PBX4: variants seen among roughly 807,000 people sequenced by gnomAD.
PBX4 encodes PBX homeobox 4.
PBX4 carries 26 observed loss-of-function variants against 35.1 expected under a neutral mutation model. That is an observed-to-expected ratio of 0.74 (90% CI 0.54 to 1.03). PBX4 has a LOEUF of 1.03. Ranked by LOEUF, PBX4 falls within the 50% of genes least tolerant of loss-of-function variation. The pLI, the probability that PBX4 is intolerant of heterozygous loss-of-function variation, is 0.00. For missense variants in PBX4, 448 were observed against 504.3 expected (o/e 0.89, Z 1.07); for synonymous variants, 199 against 204.2 (o/e 0.97, Z 0.22).
rs62137777 is a variant in PBX4, at chr19:19,565,064, C to A, written c.794G>T (p.Arg265Ile). ...CCCCATGTTCTTTTTATACCGGATTCTTTTGTTGCCAAACCAGTTAGAGAC... is the reference window on the plus strand; with the variant it reads ...CCCCATGTTCTTTTTATACCGGATTATTTTGTTGCCAAACCAGTTAGAGAC... ...SQVSNWFGNK[R>I]IRYKKNMGKF... Residue 265 changes from arginine to isoleucine, a missense_variant, in exon 6 of 8, where the codon AGA becomes ATA. By Grantham distance (97) the Arg-to-Ile change is moderately conservative. Transcript: ENST00000251203. 6.2e-7 allele frequency: 1 copy of A among 1,614,106 alleles called. No homozygotes were observed. The highest frequency in any genetic ancestry group is 1.3e-5 in the African/African-American group (1 of 74,940).
chr19:19,565,577 A>T (rs549937954), intron 5 of PBX4, among the ~76,000 whole-genome samples: 26 of 152,348 alleles, frequency 1.7e-4, no homozygotes, highest in African/African-American at 6.0e-4. Flanking sequence ...AGGTGCTAGG[A>T]TAAGCACTTC....
Position 19,563,480 on chromosome 19 carries a change from G to A in PBX4, c.1032+29C>T. The A allele has an allele frequency of 3.3e-6, 5 of 1,493,640 alleles. No homozygotes were observed. Among genetic ancestry groups the A allele is most frequent in the Non-Finnish European group, 4.5e-6 (5 of 1,104,786 alleles). The allele number at this position is 1,493,640 out of a possible 1,614,324, so 92.5% of individuals were successfully genotyped here. On this transcript the variant is annotated intron_variant, in intron 7 of 7. Transcript: ENST00000251203. The surrounding 1 kb of genome is among the most constrained non-coding windows in gnomAD (Gnocchi z 5.1). ...TTTCTGAGAACCTACCACCCACCTG[G>A]GCGCTGTGGGACAGTGCCTGAGACT...
intron 1 of PBX4, among the ~76,000 whole-genome samples, chr19:19,600,816 CAAAAAAA>C (rs35643130): frequency 1.1e-5 from 1 of 88,744 alleles, no homozygotes; most frequent in Non-Finnish European, 2.3e-5. Context: ...GACTCCATCT[CAAAAAAA>C]AAAAAAAAAA....
intron 1 of PBX4, among the ~76,000 whole-genome samples, chr19:19,604,016 C>T (rs2061613922): frequency 6.6e-6 from 1 of 150,704 alleles, no homozygotes; most frequent in Non-Finnish European, 1.5e-5. Flanking sequence ...CTGTGAACAA[C>T]TTTGATGAGT....
chr19:19,563,811 C>CTT lies in PBX4; in HGVS notation c.926-198_926-197dup. The CTT allele has an allele frequency of 4.6e-5, 22 of 482,040 alleles. No individual in the cohort carries two copies. Among genetic ancestry groups the CTT allele is most frequent in the Admixed American group, 1.4e-4 (4 of 29,292 alleles). The allele number at this position is 482,040 out of a possible 1,614,324, so 29.9% of individuals were successfully genotyped here. ...CTACTCATGTCCCCTCATGGCTTGT[C>CTT]TTTTTTTTTTCTTTTTAAGACAGTC... On this transcript the variant is annotated intron_variant, in intron 6 of 7. Transcript: ENST00000251203. This position sits in a 1 kb window ranked among gnomAD's most constrained non-coding sequence, Gnocchi z 5.1.
chr19:19,574,065 C>T (rs1269110289), intron 2 of PBX4, among the ~76,000 whole-genome samples: 4 of 152,034 alleles, frequency 2.6e-5, no homozygotes, highest in South Asian at 2.1e-4. Context: ...TTAGGAGATA[C>T]GGGGTTTCAC....
intron 1 of PBX4, among the ~76,000 whole-genome samples, chr19:19,609,433 C>A (rs952641615): frequency 1.3e-5 from 2 of 151,672 alleles, no homozygotes; most frequent in African/African-American, 4.8e-5. Context: ...CCTGTAATCC[C>A]AGCTACTTGG....
At position 19,609,885 on chromosome 19, in the gene PBX4, G is replaced by C. The variant is rs183059951; in HGVS notation, c.119+8626C>G. Among the ~76,000 whole-genome samples, 16 of 152,132 alleles carry C rather than the reference G, an allele frequency of 1.1e-4. No individual in the cohort carries two copies. In the East Asian group the frequency reaches 3.1e-3, roughly 29 times the overall value. On this transcript the variant is annotated intron_variant, in intron 1 of 7. Coordinates refer to ENST00000251203, the MANE Select transcript of PBX4 (RefSeq NM_025245.3). ...AAAGAAAGAAAGAAAAACAAACAGT[G>C]AAAAACCACCCACTTCCTAGGGTTC... is the stretch of plus-strand genomic sequence containing the variant.
At chr19:19,604,573 A>G (rs2061618113) in intron 1 of PBX4, among the ~76,000 whole-genome samples, 2 of 60 alleles carry the variant, frequency 0.033, no homozygotes, top group South Asian at 0.5. Context: ...ACTTCCCAAA[A>G]TCTAACCTGA....
chr19:19,565,493 C>T (rs1034240344), intron 5 of PBX4, among the ~76,000 whole-genome samples: 2 of 152,218 alleles, frequency 1.3e-5, no homozygotes, highest in African/African-American at 4.8e-5. Flanking sequence ...CCTGGGGACC[C>T]AGTAACTGCG....
At position 19,561,972 on chromosome 19, in the gene PBX4, G is replaced by T; in HGVS notation, c.*53C>A. On this transcript the variant is annotated 3_prime_UTR_variant, in exon 8 of 8. Transcript: ENST00000251203. ...CGGCACGTTCAGTAACAAAGCAACG[G>T]CTGGCGATACATGGCAGCTCACGCA... 6.7e-7 allele frequency: 1 copy of T among 1,486,720 alleles called. No homozygotes were observed. Among genetic ancestry groups the T allele is most frequent in the Non-Finnish European group, 9.2e-7 (1 of 1,084,558 alleles). 92.1% of individuals were successfully genotyped at this position (1,486,720 alleles called of 1,614,324 possible).
intron 2 of PBX4, among the ~76,000 whole-genome samples, chr19:19,580,253 C>A (rs1443421787): frequency 6.6e-6 from 1 of 152,252 alleles, no homozygotes; most frequent in Non-Finnish European, 1.5e-5. Context: ...AACATGGGGA[C>A]TTCCTGCTTT....
At chr19:19,570,884 C>T in intron 2 of PBX4, 51 bp from the exon 3 acceptor site, 1 of 1,595,590 alleles carries the variant, frequency 6.3e-7, no homozygotes, top group East Asian at 2.2e-5. Flanking sequence ...GGAGAGAAAA[C>T]AAACCATGAG....
chr19:19,568,465 C>G (rs1281407150), intron 5 of PBX4, among the ~76,000 whole-genome samples: 2 of 123,498 alleles, frequency 1.6e-5, no homozygotes. Flanking sequence ...CACTCCACCT[C>G]AGTCACCTCA....
intron 6 of PBX4, chr19:19,564,662 A>G: frequency 2.5e-6 from 1 of 393,252 alleles, no homozygotes; most frequent in East Asian, 4.7e-5. Context: ...TGGCCTCCCA[A>G]AATGCTGGGA....
At position 19,565,068 on chromosome 19, in the gene PBX4, T is replaced by G. The variant is rs772125392; in HGVS notation, c.790A>C (p.Lys264Gln). 1.2e-6 allele frequency: 2 copies of G among 1,614,254 alleles called. No individual in the cohort carries two copies. Among genetic ancestry groups the G allele is most frequent in the South Asian group, 2.2e-5 (2 of 91,088 alleles). ...ISQVSNWFGN[K>Q]RIRYKKNMGK... ...ATGTTCTTTTTATACCGGATTCTTT[T>G]GTTGCCAAACCAGTTAGAGACCTGC... Residue 264 changes from lysine to glutamine, a missense_variant, in exon 6 of 8, where the codon AAA becomes CAA. Physicochemically the swap from Lys to Gln is moderately conservative, Grantham distance 53. Transcript: ENST00000251203.
intron 2 of PBX4, among the ~76,000 whole-genome samples, chr19:19,589,113 C>T (rs1206832303): frequency 6.6e-6 from 1 of 151,932 alleles, no homozygotes; most frequent in African/African-American, 2.4e-5. Context: ...CATGACAGAG[C>T]GAGATCTTGA....
At chr19:19,605,806 A>G (rs2061627401) in intron 1 of PBX4, among the ~76,000 whole-genome samples, 1 of 149,642 alleles carries the variant, frequency 6.7e-6, no homozygotes, top group South Asian at 2.1e-4. Context: ...AAAGAAAATG[A>G]AGTTGGCTCT....
chr19:19,575,458 C>T (rs1233171491), intron 2 of PBX4, among the ~76,000 whole-genome samples: 1 of 151,998 alleles, frequency 6.6e-6, no homozygotes, highest in South Asian at 2.1e-4. Context: ...CGTAATAACC[C>T]TCCCCTCTCC....
Sources: gnomAD v4.1 joint callset for allele counts (sites outside exome capture counted in the v4.1 genomes callset) on GRCh38, gnomAD v4.1.1 for gene constraint, Gnocchi (gnomAD v3.1) non-coding constraint, MANE v1.5 for transcripts, NCBI Gene and HGNC (gene_info 2026-07-23, HGNC 2026-07-21) for gene names.